Variants in LYRM4 observed in about 807,000 individuals in gnomAD.
LYRM4 encodes LYR motif-containing protein 4.
A neutral mutation model predicts 11.7 loss-of-function variants in LYRM4; 9 were observed. The ratio of observed to expected loss-of-function variants is 0.77; its 90% CI spans 0.46 to 1.34. The LOEUF is 1.34. Among genes scored for constraint, LYRM4 ranks in the 40% most tolerant of loss-of-function variants. The pLI is 0.00. For synonymous variants in LYRM4, 42 were observed against 40.4 expected, an observed-to-expected ratio of 1.04 and a Z score of -0.15; for missense variants, 133 against 112.5, an observed-to-expected ratio of 1.18 and a Z score of -0.82.
rs145320685 is a variant in LYRM4 at position 5,146,148 on chromosome 6, T to C, written c.208-36657A>G. 5.3e-3 allele frequency among the ~76,000 whole-genome samples: 802 copies of C among 152,316 alleles called. 8 individuals are homozygous for C. The highest frequency in any genetic ancestry group is 0.018 in the African/African-American group (765 of 41,566). On this transcript the variant is annotated intron_variant, in intron 2 of 2. Transcript: ENST00000330636. ...CTGCCTCAGCACGGGCTGTGTCTCA[T>C]CCACCACACATCACAAGCCTGTGAG...
chr6:5,040,363 AC>A, the LYRM4 span, among the ~76,000 whole-genome samples: 3 of 142,752 alleles, frequency 2.1e-5, no homozygotes, highest in African/African-American at 6.1e-5. Context: ...ATACATACAT[AC>A]ATACATACAT....
chr6:5,038,429 G>A, the LYRM4 span, among the ~76,000 whole-genome samples: 3 of 62,680 alleles, frequency 4.8e-5, 1 homozygote, highest in South Asian at 1.4e-3. Context: ...GAGGCTCCCC[G>A]TATCCCAGAC....
intron 2 of LYRM4, among the ~76,000 whole-genome samples, chr6:5,167,475 C>T (rs1759153270): frequency 6.6e-6 from 1 of 152,178 alleles, no homozygotes; most frequent in Admixed American, 6.5e-5. Context: ...TCATAAAAGC[C>T]TCTATTTTTC....
At chr6:5,187,301 G>C (rs1481789200) in intron 2 of LYRM4, among the ~76,000 whole-genome samples, 1 of 152,152 alleles carries the variant, frequency 6.6e-6, no homozygotes, top group Non-Finnish European at 1.5e-5. Flanking sequence ...CAGTGACTCA[G>C]CCCTCCTACC....
At chr6:5,176,806 A>G (rs1233032941) in intron 2 of LYRM4, among the ~76,000 whole-genome samples, 1 of 152,202 alleles carries the variant, frequency 6.6e-6, no homozygotes, top group African/African-American at 2.4e-5. Context: ...TGTATCTCAG[A>G]TTTCTAAAAG....
chr6:5,070,372 C>G, the LYRM4 span, among the ~76,000 whole-genome samples: 1 of 152,170 alleles, frequency 6.6e-6, no homozygotes, highest in South Asian at 2.1e-4. Flanking sequence ...AATGGGTGGG[C>G]ACAAAAGATA....
chr6:5,096,569 G>A, the LYRM4 span, among the ~76,000 whole-genome samples: 1 of 152,308 alleles, frequency 6.6e-6, no homozygotes, highest in East Asian at 1.9e-4. Flanking sequence ...CTATGGGGGA[G>A]GTGGCCTGTG....
chr6:5,191,562 C>G (rs1297191062), intron 2 of LYRM4, among the ~76,000 whole-genome samples: 1 of 152,138 alleles, frequency 6.6e-6, no homozygotes, highest in Non-Finnish European at 1.5e-5. Context: ...ATTTACCTGT[C>G]TGTAATTTAG....
chr6:5,182,383 C>T (rs2773339), intron 2 of LYRM4, among the ~76,000 whole-genome samples: 53,107 of 152,088 alleles, frequency 0.35, 10,590 homozygotes, highest in African/African-American at 0.56. Context: ...AAGAAACAGC[C>T]ATATTAGATT....
intron 2 of LYRM4, among the ~76,000 whole-genome samples, chr6:5,146,302 G>C (rs1315150908): frequency 6.6e-6 from 1 of 152,196 alleles, no homozygotes; most frequent in Non-Finnish European, 1.5e-5. Flanking sequence ...GACTAGACTT[G>C]ACTCAGAGTA....
intron 2 of LYRM4, among the ~76,000 whole-genome samples, chr6:5,194,128 G>A (rs766805607): frequency 4.0e-5 from 6 of 151,768 alleles, no homozygotes; most frequent in Non-Finnish European, 8.8e-5. Flanking sequence ...GACAAACATG[G>A]AGACTACCCT....
intron 2 of LYRM4, among the ~76,000 whole-genome samples, chr6:5,138,275 G>A (rs1757203823): frequency 6.6e-6 from 1 of 151,970 alleles, no homozygotes; most frequent in African/African-American, 2.4e-5. Flanking sequence ...CTTGAGCCTA[G>A]GAGTTTGAGA....
Position 5,138,487 on chromosome 6 carries a change from C to CAAAAAAAAAAAA in LYRM4, c.208-29008_208-28997dup, listed in dbSNP as rs765741377. Among the ~76,000 whole-genome samples the CAAAAAAAAAAAA allele has an allele frequency of 1.0e-3, 50 of 49,680 alleles. 1 individual carries two copies. The highest frequency in any genetic ancestry group is 4.2e-3 in the South Asian group (3 of 716). The allele number at this position is 49,680 out of a possible 152,430, so 32.6% of individuals were successfully genotyped here. A position where few individuals can be genotyped will look rare whatever the true frequency, so the allele number is the denominator to read the frequency against. On this transcript the variant is annotated intron_variant, in intron 2 of 2. Coordinates refer to ENST00000330636, the MANE Select transcript of LYRM4 (RefSeq NM_020408.6). ...GGCCAACAGAGTGAGACCCTGTCTC[C>CAAAAAAAAAAAA]AAAAAAAAAAAAAAAAAAAAAAAAA...
At chr6:5,109,639 G>C (rs907211522) in intron 2 of LYRM4, 148 bp from the exon 3 acceptor site, 1 of 712,518 alleles carries the variant, frequency 1.4e-6, no homozygotes, top group Non-Finnish European at 2.4e-6. Context: ...GGGCAAAGCC[G>C]GCCACTAGAG....
At chr6:5,064,748 G>A in the LYRM4 span, among the ~76,000 whole-genome samples, 2 of 152,062 alleles carry the variant, frequency 1.3e-5, no homozygotes, top group Admixed American at 6.6e-5. Context: ...ATATTTATGG[G>A]GTACAGTGTG....
downstream of LYRM4, among the ~76,000 whole-genome samples, chr6:5,102,114 G>A (rs903993081): frequency 6.6e-6 from 1 of 150,924 alleles, no homozygotes; most frequent in Admixed American, 6.6e-5. Flanking sequence ...TTAAAGACAT[G>A]TTTTATATTT....
chr6:5,085,499 G>A, the LYRM4 span: 1 of 1,536,230 alleles, frequency 6.5e-7, no homozygotes, highest in South Asian at 1.2e-5. Flanking sequence ...GAGCCCATAG[G>A]GGCGCGGCTA....
At chr6:5,144,741 TG>T in intron 2 of LYRM4, among the ~76,000 whole-genome samples, 1 of 151,044 alleles carries the variant, frequency 6.6e-6, no homozygotes, top group East Asian at 2.0e-4. Context: ...ACTTTGTTCC[TG>T]CCTGGGAGCA....
intron 2 of LYRM4, among the ~76,000 whole-genome samples, chr6:5,201,763 C>A (rs976428844): frequency 6.6e-6 from 1 of 152,108 alleles, no homozygotes; most frequent in Non-Finnish European, 1.5e-5. Flanking sequence ...AAGGGGTTAG[C>A]CAAGGCTACG....
Sources: gnomAD v4.1 joint callset for allele counts (sites outside exome capture counted in the v4.1 genomes callset) on GRCh38, gnomAD v4.1.1 for gene constraint, MANE v1.5 for transcripts, NCBI Gene and HGNC (gene_info 2026-07-23, HGNC 2026-07-21) for gene names.